The following TNS4 variants were observed in gnomAD, a reference collection of about 807,000 sequenced individuals.
The protein encoded by TNS4 is tensin 4, also known as tensin-4.
Under a neutral mutation model 70.4 loss-of-function variants are expected in TNS4, and 46 were observed. That is an observed-to-expected ratio of 0.65 (90% CI 0.52 to 0.84). The LOEUF is 0.84. Among genes scored for constraint, TNS4 ranks in the 40% least tolerant of loss-of-function variants. TNS4 has a pLI of 0.00. For synonymous variants in TNS4, 390 were observed against 366.6 expected (o/e 1.06, Z -0.73); for missense variants, 863 against 907.0 (o/e 0.95, Z 0.62).
intron 2 of TNS4, among the ~76,000 whole-genome samples, chr17:40,492,107 C>T (rs572109159): frequency 2.6e-5 from 4 of 152,254 alleles, no homozygotes; most frequent in South Asian, 4.2e-4. Flanking sequence ...CAGGAGGTCG[C>T]GCCTCAGAAG....
intron 2 of TNS4, 79 bp from the exon 3 acceptor site, chr17:40,489,048 A>G (rs1597696006): frequency 7.4e-7 from 1 of 1,352,584 alleles, no homozygotes; most frequent in East Asian, 2.4e-5. Flanking sequence ...AGTATCCTCA[A>G]GGTCATTCTG....
At position 40,479,851 on chromosome 17, in the gene TNS4, G is replaced by A. The variant is rs775211846; in HGVS notation, c.1742-9C>T. On this transcript the variant is annotated splice_polypyrimidine_tract_variant and intron_variant, in intron 9 of 12. Transcript: ENST00000254051. Reference sequence around the variant, plus strand: ...GTACAGGGTGTGGCAGCCTGTGGGAGGCAGACACTGCGCTGGGGCCACTGA... The same window carrying A: ...GTACAGGGTGTGGCAGCCTGTGGGAAGCAGACACTGCGCTGGGGCCACTGA... 2.5e-6 allele frequency: 4 copies of A among 1,605,886 alleles called. No individual in the cohort carries two copies. The highest frequency in any genetic ancestry group is 3.4e-6 in the Non-Finnish European group (4 of 1,176,610).
intron 10 of TNS4, 46 bp from the exon 11 acceptor site, chr17:40,478,694 A>G (rs1257827005): frequency 4.4e-6 from 7 of 1,593,324 alleles, no homozygotes; most frequent in Non-Finnish European, 5.2e-6. Context: ...AGCCTGTCCC[A>G]GTGTCATCCT....
At chr17:40,481,558 G>T (rs1424501016) in intron 8 of TNS4, among the ~76,000 whole-genome samples, 12 of 152,154 alleles carry the variant, frequency 7.9e-5, no homozygotes, top group Admixed American at 7.9e-4. Context: ...TAGAGACGGG[G>T]TTTCACCATG....
chr17:40,477,510 A>G lies in TNS4; in HGVS notation c.*78T>C. 1 of 1,578,728 alleles carries G rather than the reference A, an allele frequency of 6.3e-7. No homozygotes were observed. Among genetic ancestry groups the G allele is most frequent in the Admixed American group, 1.7e-5 (1 of 57,424 alleles). On this transcript the variant is annotated 3_prime_UTR_variant, in exon 13 of 13. Transcript: ENST00000254051. Reference sequence around the variant, plus strand: ...TGGTCTGTCAATATGGCCACAAGCCACACCCATTCAGGGGGTGGAGGGGGG... The same window carrying G: ...TGGTCTGTCAATATGGCCACAAGCCGCACCCATTCAGGGGGTGGAGGGGGG...
chr17:40,476,073 C>T lies in TNS4; in HGVS notation c.*1515G>A, dbSNP rs1053819194. 1 of 152,200 alleles carries T rather than the reference C, an allele frequency of 6.6e-6. No individual in the cohort carries two copies. Among genetic ancestry groups the T allele is most frequent in the Non-Finnish European group, 1.5e-5 (1 of 68,060 alleles). 9.4% of individuals were successfully genotyped at this position (152,200 alleles called of 1,614,324 possible). Reference sequence around the variant, plus strand: ...GGCCCAGCCTTGGCCAAAGATAATGCAACTTTGGCAGGGCTGGCTGCTGGG... The same window carrying T: ...GGCCCAGCCTTGGCCAAAGATAATGTAACTTTGGCAGGGCTGGCTGCTGGG... On this transcript the variant is annotated 3_prime_UTR_variant, in exon 13 of 13. Coordinates refer to ENST00000254051, the MANE Select transcript of TNS4 (RefSeq NM_032865.6).
Position 40,482,150 on chromosome 17 carries a change from T to C in TNS4, c.1651A>G (p.Lys551Glu). Residue 551 changes from lysine to glutamate, a missense_variant, in exon 8 of 13, where the codon AAA (lysine) becomes GAA (glutamate). By Grantham distance (56) the Lys-to-Glu change is moderately conservative (BLOSUM62 1). Transcript: ENST00000254051. The part of the protein sequence containing the change: ...HSIMALALPC[K>E]LTIPQRELGG... ...CCACCTCTCTGTGGGATGGTGAGTT[T>C]GCAGGGCAGGGCCAGGGCCATGATG... 6.2e-7 allele frequency: 1 copy of C among 1,614,184 alleles called. No homozygotes were observed. The highest frequency in any genetic ancestry group is 8.5e-7 in the Non-Finnish European group (1 of 1,180,026).
chr17:40,483,541 G>T (rs2035953878), intron 6 of TNS4, among the ~76,000 whole-genome samples: 2 of 152,132 alleles, frequency 1.3e-5, no homozygotes, highest in Non-Finnish European at 2.9e-5. Flanking sequence ...CGACTCTTTG[G>T]TCTGGTTTCT....
At chr17:40,499,226 C>T (rs780729017) in intron 1 of TNS4, among the ~76,000 whole-genome samples, 5 of 152,096 alleles carry the variant, frequency 3.3e-5, no homozygotes, top group Non-Finnish European at 5.9e-5. Context: ...TTTGTTCCCA[C>T]GTAATTACCG....
chr17:40,479,393 C>A (rs915978268), intron 10 of TNS4, among the ~76,000 whole-genome samples: 8 of 152,074 alleles, frequency 5.3e-5, no homozygotes, highest in African/African-American at 1.9e-4. Flanking sequence ...GTGATCCGCC[C>A]GCCTCGGCCT....
rs1019032049 is a variant in TNS4, at chr17:40,477,381, A to G, written c.*207T>C. The G allele has an allele frequency of 1.8e-6, 1 of 562,150 alleles. No homozygotes were observed. Among genetic ancestry groups the G allele is most frequent in the African/African-American group, 1.9e-5 (1 of 52,668 alleles). The allele number at this position is 562,150 out of a possible 1,614,324, so 34.8% of individuals were successfully genotyped here. A position where few individuals can be genotyped will look rare whatever the true frequency, so the allele number is the denominator to read the frequency against. On this transcript the variant is annotated 3_prime_UTR_variant, in exon 13 of 13. Transcript: ENST00000254051. The stretch of plus-strand genomic sequence containing the variant: ...TCTTGTCTATTGGTCTTCTTCTATG[A>G]TTGAGGAAACTGAGGCCCGGGGGGT...
At chr17:40,499,191 T>A (rs1027698263) in intron 1 of TNS4, among the ~76,000 whole-genome samples, 1 of 152,160 alleles carries the variant, frequency 6.6e-6, no homozygotes, top group Non-Finnish European at 1.5e-5. Context: ...TGTATAGAAA[T>A]GCACTGTGAA....
In TNS4 at chr17:40,477,415, T is replaced by C. The variant is rs1597685685; in HGVS notation, c.*173A>G. 1.3e-6 allele frequency: 1 copy of C among 741,470 alleles called. No homozygotes were observed. The highest frequency in any genetic ancestry group is 2.1e-6 in the Non-Finnish European group (1 of 477,558). 45.9% of individuals were successfully genotyped at this position (741,470 alleles called of 1,614,324 possible). ...ACTGAGGCCCGGGGGGTCTGGATGA[T>C]GGTGACTGCTGAAGGCCATAGCAGG... On this transcript the variant is annotated 3_prime_UTR_variant, in exon 13 of 13. Transcript: ENST00000254051.
Position 40,487,244 on chromosome 17 carries a change from G to A in TNS4, c.1080C>T (p.Ser360=), listed in dbSNP as rs945132163. 2 of 1,614,086 alleles carry A rather than the reference G, an allele frequency of 1.2e-6. No individual in the cohort carries two copies. Among genetic ancestry groups the A allele is most frequent in the African/African-American group, 2.7e-5 (2 of 74,938 alleles). Residue 360 remains serine, a synonymous_variant, in exon 4 of 13, where the codon AGC becomes AGT. Transcript: ENST00000254051. ...SPPLAKEHAS[S]CPPSITNSMV... Reference sequence around the variant, plus strand: ...TGGAGTTGGTGATGGATGGGGGGCAGCTGCTGGCATGTTCTTTGGCCAGTG... The same window carrying A: ...TGGAGTTGGTGATGGATGGGGGGCAACTGCTGGCATGTTCTTTGGCCAGTG...
intron 1 of TNS4, among the ~76,000 whole-genome samples, chr17:40,498,904 G>A (rs2036177374): frequency 6.6e-6 from 1 of 152,140 alleles, no homozygotes; most frequent in African/African-American, 2.4e-5. Flanking sequence ...GCTGAGACTC[G>A]GAGAGGTCAA....
At position 40,487,265 on chromosome 17, in the gene TNS4, C is replaced by T; in HGVS notation, c.1059G>A (p.Leu353=). The part of the protein sequence containing the change: ...GQPRTPHSPP[L]AKEHASSCPP... ...GGCAGCTGCTGGCATGTTCTTTGGC[C>T]AGTGGTGGAGAGTGGGGTGTTCTGG... The change falls in exon 4 of 13, where the codon CTG becomes CTA. Residue 353 remains leucine (L), a synonymous_variant. Coordinates refer to ENST00000254051, the MANE Select transcript of TNS4 (RefSeq NM_032865.6). 2 of 1,614,092 alleles carry T rather than the reference C, an allele frequency of 1.2e-6. No individual in the cohort carries two copies. The highest frequency in any genetic ancestry group is 1.7e-6 in the Non-Finnish European group (2 of 1,180,022).
chr17:40,481,578 C>A (rs775405862), intron 8 of TNS4, among the ~76,000 whole-genome samples: 17 of 152,290 alleles, frequency 1.1e-4, no homozygotes, highest in Non-Finnish European at 1.6e-4. Context: ...GTTGGCCAGG[C>A]TGGTTTCGAA....
intron 6 of TNS4, among the ~76,000 whole-genome samples, chr17:40,483,037 C>A (rs2035947414): frequency 6.6e-6 from 1 of 151,184 alleles, no homozygotes; most frequent in Non-Finnish European, 1.5e-5. Context: ...GCAGCCTCAA[C>A]CTCCTGGGCT....
In TNS4 at chr17:40,496,150, C is replaced by G. The variant is rs2036139919; in HGVS notation, c.276G>C (p.Glu92Asp). 1.2e-6 allele frequency: 2 copies of G among 1,610,568 alleles called. No individual in the cohort carries two copies. The highest frequency in any genetic ancestry group is 1.7e-6 in the Non-Finnish European group (2 of 1,178,256). ...SPGEKALGTP[E>D]DLDSYIDFSL... Reference sequence around the variant, plus strand: ...AGAAGTCAATGTAGGAGTCAAGGTCCTCTGGGGTCCCCAAGGCCTTCTCAC... The same window carrying G: ...AGAAGTCAATGTAGGAGTCAAGGTCGTCTGGGGTCCCCAAGGCCTTCTCAC... Residue 92 changes from glutamate (E) to aspartate (D), a missense_variant, in exon 2 of 13, where the codon GAG becomes GAC. Glu to Asp is a conservative substitution (Grantham distance 45, BLOSUM62 2). Transcript: ENST00000254051.
Sources: allele counts gnomAD v4.1 joint callset (sites outside exome capture counted in the v4.1 genomes callset), GRCh38; gene constraint gnomAD v4.1.1; transcripts MANE v1.5; gene names NCBI Gene and HGNC (gene_info 2026-07-23, HGNC 2026-07-21).